The following ADAMTSL1 variants were observed in gnomAD, a reference collection of about 807,000 sequenced individuals.
ADAMTSL1 encodes ADAMTS-like protein 1.
ADAMTSL1 carries 126 observed loss-of-function variants against 201.8 expected under a neutral mutation model. The observed-to-expected ratio is 0.62, with a 90% CI of 0.54 to 0.72. ADAMTSL1 has a LOEUF of 0.72. ADAMTSL1 is among the 30% of genes least tolerant of loss of function. ADAMTSL1 has a pLI of 0.00. For synonymous variants in ADAMTSL1, 1,121 were observed against 903.4 expected (o/e 1.24, Z -4.32); for missense variants, 2,679 against 2,277.8 (o/e 1.18, Z -3.59).
At chr9:18,531,619 A>G (rs1819452615) in intron 2 of ADAMTSL1, among the ~76,000 whole-genome samples, 1 of 152,184 alleles carries the variant, frequency 6.6e-6, no homozygotes, top group Non-Finnish European at 1.5e-5. Context: ...GTGTTGTCAG[A>G]TGACATTTTC....
intron 2 of ADAMTSL1, among the ~76,000 whole-genome samples, chr9:18,188,170 A>G (rs1828817016): frequency 6.6e-6 from 1 of 152,192 alleles, no homozygotes; most frequent in Non-Finnish European, 1.5e-5. Flanking sequence ...TACACCCACC[A>G]CCAGCACAAC....
At chr9:17,998,645 T>G (rs541057212) in intron 1 of ADAMTSL1, among the ~76,000 whole-genome samples, 1 of 152,158 alleles carries the variant, frequency 6.6e-6, no homozygotes, top group African/African-American at 2.4e-5. Context: ...AGGTAAATGC[T>G]TTGGAAAAGG....
chr9:17,957,327 G>A (rs1453320805), intron 1 of ADAMTSL1, among the ~76,000 whole-genome samples: 1 of 152,156 alleles, frequency 6.6e-6, no homozygotes, highest in Non-Finnish European at 1.5e-5. Context: ...GACTGCTGCT[G>A]TTGCTTCTTC....
At chr9:18,015,814 T>A (rs1820235469) in intron 1 of ADAMTSL1, among the ~76,000 whole-genome samples, 1 of 151,870 alleles carries the variant, frequency 6.6e-6, no homozygotes, top group Admixed American at 6.6e-5. Flanking sequence ...CCAATGAGAT[T>A]AGGATAAGAG....
intron 16 of ADAMTSL1, among the ~76,000 whole-genome samples, chr9:18,766,661 C>T (rs1266708097): frequency 2.0e-5 from 3 of 152,178 alleles, no homozygotes; most frequent in Admixed American, 2.0e-4. Context: ...AGTGAGAACC[C>T]TCTTTCTGGT....
At chr9:18,541,090 C>T (rs1341299648) in intron 3 of ADAMTSL1, among the ~76,000 whole-genome samples, 6 of 152,212 alleles carry the variant, frequency 3.9e-5, no homozygotes, top group Non-Finnish European at 5.9e-5. Flanking sequence ...TCAGATGGGA[C>T]ATGTCTTTTC....
chr9:18,681,701 G>GGGT (rs1830492568), intron 11 of ADAMTSL1, 111 bp from the exon 12 acceptor site: 1 of 470,098 alleles, frequency 2.1e-6, no homozygotes, highest in Non-Finnish European at 3.1e-6. Flanking sequence ...CTCGTGTGGG[G>GGGT]GGGGGGGGCG....
intron 15 of ADAMTSL1, among the ~76,000 whole-genome samples, chr9:18,740,780 A>T (rs780839758): frequency 6.6e-5 from 10 of 152,076 alleles, no homozygotes; most frequent in African/African-American, 2.4e-4. Context: ...CTCGGCCTCA[A>T]TGTTCTTTCT....
chr9:18,401,918 A>G (rs970016137), intron 2 of ADAMTSL1, among the ~76,000 whole-genome samples: 2 of 152,212 alleles, frequency 1.3e-5, no homozygotes, highest in Admixed American at 6.5e-5. Flanking sequence ...CATTTCTAGC[A>G]CAAGTAAATA....
At chr9:18,875,586 A>T (rs906453682) in intron 23 of ADAMTSL1, among the ~76,000 whole-genome samples, 1 of 151,958 alleles carries the variant, frequency 6.6e-6, no homozygotes, top group Non-Finnish European at 1.5e-5. Context: ...TTGATGTCCA[A>T]TTTTCTTCCA....
At chr9:18,173,823 G>A (rs557617340) in intron 2 of ADAMTSL1, among the ~76,000 whole-genome samples, 15 of 152,120 alleles carry the variant, frequency 9.9e-5, no homozygotes, top group East Asian at 5.8e-4. Flanking sequence ...GCATTTTCAC[G>A]TTTCATATTG....
chr9:17,937,696 C>T (rs1418112511), intron 1 of ADAMTSL1, among the ~76,000 whole-genome samples: 1 of 123,074 alleles, frequency 8.1e-6, no homozygotes, highest in Non-Finnish European at 1.8e-5. Flanking sequence ...CTGTGCACTG[C>T]TGGCCATATA....
intron 20 of ADAMTSL1, among the ~76,000 whole-genome samples, chr9:18,805,619 A>G (rs1170061565): frequency 6.6e-6 from 1 of 152,222 alleles, no homozygotes; most frequent in Non-Finnish European, 1.5e-5. Context: ...AAGGGTACTT[A>G]GCTATACTAT....
intron 20 of ADAMTSL1, among the ~76,000 whole-genome samples, chr9:18,808,625 C>G (rs1192138510): frequency 2.6e-5 from 4 of 152,216 alleles, no homozygotes; most frequent in Non-Finnish European, 4.4e-5. Flanking sequence ...GTAATTGTGA[C>G]TCTAAAGCTC....
intron 2 of ADAMTSL1, among the ~76,000 whole-genome samples, chr9:18,520,294 C>CA (rs1166405656): frequency 1.3e-5 from 2 of 152,190 alleles, no homozygotes. Context: ...CCGTTTACCC[C>CA]AAACCTACAT....
At chr9:18,906,415 T>C (rs1830315066) in intron 27 of ADAMTSL1, among the ~76,000 whole-genome samples, 1 of 152,180 alleles carries the variant, frequency 6.6e-6, no homozygotes, top group Non-Finnish European at 1.5e-5. Context: ...GACCAGGCTC[T>C]GCCGGTGTCC....
intron 23 of ADAMTSL1, among the ~76,000 whole-genome samples, chr9:18,884,273 TGTTA>T (rs1158074954): frequency 8.5e-5 from 13 of 152,224 alleles, no homozygotes; most frequent in African/African-American, 1.2e-4. Context: ...CCGGGTTGTT[TGTTA>T]GTTATCAAAT....
At chr9:18,360,749 C>G (rs1335381595) in intron 2 of ADAMTSL1, 1 of 152,144 alleles carries the variant, frequency 6.6e-6, no homozygotes, top group East Asian at 1.9e-4. Flanking sequence ...TAACATCTAA[C>G]ATGAAAAATC....
At chr9:18,451,310 G>T (rs960947238) in intron 2 of ADAMTSL1, among the ~76,000 whole-genome samples, 2 of 152,130 alleles carry the variant, frequency 1.3e-5, no homozygotes, top group African/African-American at 2.4e-5. Context: ...CGCCACATAA[G>T]ATAACTTGCT....
Sources: allele counts gnomAD v4.1 joint callset (sites outside exome capture counted in the v4.1 genomes callset), GRCh38; gene constraint gnomAD v4.1.1; transcripts MANE v1.5; gene names NCBI Gene and HGNC (gene_info 2026-07-23, HGNC 2026-07-21).